The following SFMBT2 variants were observed in gnomAD, a reference collection of about 807,000 sequenced individuals.
SFMBT2 encodes the protein Scm like with four mbt domains 2.
A neutral mutation model predicts 110.1 loss-of-function variants in SFMBT2; 38 were observed. The observed-to-expected ratio is 0.35, with a 90% confidence interval of 0.27 to 0.45. SFMBT2 has a LOEUF of 0.45. Ranked by LOEUF, SFMBT2 falls within the 20% of genes least tolerant of loss-of-function variation. The pLI, the probability that SFMBT2 is intolerant of heterozygous loss-of-function variation, is 1.00. For missense variants in SFMBT2, 1,011 were observed against 1,094.9 expected, an observed-to-expected ratio of 0.92 and a Z score of 1.08; for synonymous variants, 425 against 425.4, an observed-to-expected ratio of 1.00 and a Z score of 0.01.
chr10:7,373,422 G>C (rs895866614), intron 2 of SFMBT2, among the ~76,000 whole-genome samples: 9 of 152,166 alleles, frequency 5.9e-5, no homozygotes, highest in Admixed American at 5.9e-4. Flanking sequence ...ACACGAAACA[G>C]AATGAAACAG....
chr10:7,399,119 A>G (rs999672827), intron 1 of SFMBT2, among the ~76,000 whole-genome samples: 15 of 152,250 alleles, frequency 9.9e-5, no homozygotes, highest in African/African-American at 2.7e-4. Flanking sequence ...CACTGTGAAG[A>G]TATCAGCCAG....
chr10:7,375,490 G>C (rs1430766353), intron 2 of SFMBT2, among the ~76,000 whole-genome samples: 2 of 149,380 alleles, frequency 1.3e-5, no homozygotes, highest in African/African-American at 5.1e-5. Context: ...GAGACAGAAA[G>C]AAGACATTAA....
intron 10 of SFMBT2, among the ~76,000 whole-genome samples, chr10:7,222,936 G>T (rs1411462663): frequency 5.9e-5 from 9 of 152,128 alleles, no homozygotes; most frequent in Admixed American, 5.2e-4. Flanking sequence ...GATTACAGGT[G>T]TGAGCCACTG....
chr10:7,337,816 C>T (rs999657191), intron 4 of SFMBT2, among the ~76,000 whole-genome samples: 6 of 152,150 alleles, frequency 3.9e-5, no homozygotes, highest in Non-Finnish European at 8.8e-5. Context: ...CAACTGAAGA[C>T]GAAAATGGCA....
chr10:7,221,832 C>T (rs930450975), intron 10 of SFMBT2, among the ~76,000 whole-genome samples: 16 of 151,986 alleles, frequency 1.1e-4, no homozygotes, highest in Non-Finnish European at 2.4e-4. Flanking sequence ...GGCTGTGAGA[C>T]CAGTGAATTT....
chr10:7,368,393 A>C, intron 3 of SFMBT2: 2 of 985,136 alleles, frequency 2.0e-6, no homozygotes, highest in Non-Finnish European at 2.4e-6. Context: ...CCAGCCCTCA[A>C]CCCCAGAAAA....
At position 7,301,583 on chromosome 10, in the gene SFMBT2, G is replaced by A. The variant is rs1842559550; in HGVS notation, c.437-15629C>T. On this transcript the variant is annotated intron_variant, in intron 4 of 20. Coordinates refer to ENST00000397167, the MANE Select transcript of SFMBT2 (RefSeq NM_001387889.1). The surrounding 1 kb of genome is among the most constrained non-coding windows in gnomAD (Gnocchi z 4.2). ...AGGTCCCCGGGGCCGGCAAATTCGCGGAACACCAGCCAGGGGCATCTCCGC... is the reference window on the plus strand; with the variant it reads ...AGGTCCCCGGGGCCGGCAAATTCGCAGAACACCAGCCAGGGGCATCTCCGC... Among the ~76,000 whole-genome samples, 9 of 152,274 alleles carry A rather than the reference G, an allele frequency of 5.9e-5. No individual in the cohort carries two copies. The highest frequency in any genetic ancestry group is 3.4e-3 in the Middle Eastern group (1 of 294).
chr10:7,297,361 C>G (rs1842432116), intron 4 of SFMBT2, among the ~76,000 whole-genome samples: 1 of 152,208 alleles, frequency 6.6e-6, no homozygotes. Context: ...GCTGCCTAAC[C>G]TCTCCAGGTG....
intron 4 of SFMBT2, among the ~76,000 whole-genome samples, chr10:7,355,609 A>G (rs1431792375): frequency 6.6e-6 from 1 of 152,194 alleles, no homozygotes; most frequent in East Asian, 1.9e-4. Context: ...TCAGGAGTTC[A>G]AGACCAGCCT....
intron 1 of SFMBT2, among the ~76,000 whole-genome samples, chr10:7,396,345 G>A (rs141187641): frequency 1.2e-3 from 178 of 152,318 alleles, no homozygotes; most frequent in Non-Finnish European, 2.0e-3. Context: ...AAACCCCAAC[G>A]TTAGTGAATT....
chr10:7,329,605 C>T (rs1316076787), intron 4 of SFMBT2: 6 of 667,558 alleles, frequency 9.0e-6, no homozygotes, highest in South Asian at 6.7e-5. Flanking sequence ...ACAGATTCCT[C>T]GGTTAGAAAT....
chr10:7,371,346 C>T (rs536320129), intron 2 of SFMBT2, among the ~76,000 whole-genome samples: 76 of 152,182 alleles, frequency 5.0e-4, no homozygotes, highest in Non-Finnish European at 9.1e-4. Context: ...AGGCTGGTGT[C>T]GAACTCTGAA....
chr10:7,200,372 A>T, intron 14 of SFMBT2, 42 bp downstream of exon 14: 3 of 1,473,210 alleles, frequency 2.0e-6, no homozygotes, highest in Non-Finnish European at 2.7e-6. Flanking sequence ...TCCCGGCTGC[A>T]CGGTGGGAAG....
chr10:7,304,143 T>C (rs1842630701), intron 4 of SFMBT2, among the ~76,000 whole-genome samples: 1 of 152,190 alleles, frequency 6.6e-6, no homozygotes, highest in Admixed American at 6.5e-5. Context: ...AAATCTCATC[T>C]TGAACTGTAG....
rs577255602 is a variant in SFMBT2 at position 7,274,183 on chromosome 10, G to A, written c.870+2709C>T. Among the ~76,000 whole-genome samples, 62 of 152,212 alleles carry A rather than the reference G, an allele frequency of 4.1e-4. 1 individual carries two copies. Among genetic ancestry groups the A allele is most frequent in the Non-Finnish European group, 6.9e-4 (47 of 68,008 alleles). ...GTAGAAGCAAGTGTGGTAACCCCTCGTCTTCTTAAGATTAGCTCACAGACC... is the reference window on the plus strand; with the variant it reads ...GTAGAAGCAAGTGTGGTAACCCCTCATCTTCTTAAGATTAGCTCACAGACC... On this transcript the variant is annotated intron_variant, in intron 7 of 20. Coordinates refer to ENST00000397167, the MANE Select transcript of SFMBT2 (RefSeq NM_001387889.1).
intron 9 of SFMBT2, among the ~76,000 whole-genome samples, chr10:7,239,705 C>CATCT (rs1490004986): frequency 6.6e-6 from 1 of 152,118 alleles, no homozygotes; most frequent in Non-Finnish European, 1.5e-5. Flanking sequence ...ATATATTGAC[C>CATCT]ATCTGAATTG....
At chr10:7,356,239 C>T (rs966919586) in intron 4 of SFMBT2, among the ~76,000 whole-genome samples, 3 of 152,142 alleles carry the variant, frequency 2.0e-5, no homozygotes, top group East Asian at 1.9e-4. Context: ...AGGCTGGAGG[C>T]CCCTCTCATC....
chr10:7,314,904 A>G (rs1842942325), intron 4 of SFMBT2, among the ~76,000 whole-genome samples: 1 of 151,314 alleles, frequency 6.6e-6, no homozygotes, highest in Admixed American at 6.6e-5. Context: ...TGAGAAAGAG[A>G]GAAAGAGAAA....
rs117498070 is a variant in SFMBT2 at position 7,277,812 on chromosome 10, C to T, written c.773-823G>A. ...ATCAACCCAGGCTACTTCAGACAGA[C>T]GCTTAGGATATGAATATGAAATTAA... On this transcript the variant is annotated intron_variant, in intron 6 of 20. Transcript: ENST00000397167. 4.9e-3 allele frequency among the ~76,000 whole-genome samples: 741 copies of T among 152,284 alleles called. 6 individuals carry two copies. Among genetic ancestry groups the T allele is most frequent in the Middle Eastern group, 0.024 (7 of 294 alleles).
Sources: gnomAD v4.1 joint callset for allele counts (sites outside exome capture counted in the v4.1 genomes callset) on GRCh38, gnomAD v4.1.1 for gene constraint, Gnocchi (gnomAD v3.1) non-coding constraint, MANE v1.5 for transcripts, NCBI Gene and HGNC (gene_info 2026-07-23, HGNC 2026-07-21) for gene names.